The following JCAD variants were observed in gnomAD, a reference collection of about 807,000 sequenced individuals.
JCAD encodes the protein junctional cadherin 5-associated protein.
JCAD carries 40 observed loss-of-function variants against 98.0 expected under a neutral mutation model. The ratio of observed to expected loss-of-function variants is 0.41; its 90% confidence interval spans 0.32 to 0.53. The LOEUF (loss-of-function observed/expected upper bound fraction) is 0.53. Ranked by LOEUF, JCAD falls within the 20% of genes least tolerant of loss-of-function variation. The pLI, the probability that JCAD is intolerant of heterozygous loss-of-function variation, is 0.31. For missense variants in JCAD, 1,705 were observed against 1,738.1 expected, an observed-to-expected ratio of 0.98 and a Z score of 0.34; for synonymous variants, 691 against 682.3, an observed-to-expected ratio of 1.01 and a Z score of -0.20.
rs141859879 is a variant in JCAD, at chr10:30,069,002, T to C, written n.250+698A>G. ...CATGGCCTGAGGTGCCTCTTGTTTATAGGGCAACTGTGAGTAACTTTAATC... is the reference window on the plus strand; with the variant it reads ...CATGGCCTGAGGTGCCTCTTGTTTACAGGGCAACTGTGAGTAACTTTAATC... On this transcript the variant is annotated intron_variant and non_coding_transcript_variant, in intron 2 of 2. Transcript: ENST00000465712. 2.9e-3 allele frequency among the ~76,000 whole-genome samples: 443 copies of C among 152,370 alleles called. 4 individuals carry two copies. The highest frequency in any genetic ancestry group is 0.011 in the Admixed American group (167 of 15,302).
At chr10:30,044,989 G>C (rs1037502579) in intron 2 of JCAD, among the ~76,000 whole-genome samples, 1 of 151,794 alleles carries the variant, frequency 6.6e-6, no homozygotes, top group African/African-American at 2.4e-5. Flanking sequence ...TAAGTGAATC[G>C]GCCAATCTCA....
intron 2 of JCAD, among the ~76,000 whole-genome samples, chr10:30,067,636 T>C (rs1329319393): frequency 2.0e-5 from 3 of 152,312 alleles, no homozygotes; most frequent in East Asian, 3.9e-4. Context: ...CCAAGAACTA[T>C]CTTTGTTTTA....
Position 30,111,651 on chromosome 10 carries a change from C to A in JCAD, n.128+3716G>T, listed in dbSNP as rs369526402. On this transcript the variant is annotated intron_variant and non_coding_transcript_variant, in intron 1 of 2. Transcript: ENST00000465712. ...AAGCTATGTATAAAGAAAAATAAAG[C>A]CAGATAAAGGAAATACAAAGTGAAT... 1.5e-4 allele frequency among the ~76,000 whole-genome samples: 23 copies of A among 152,018 alleles called. 3 individuals carry two copies. In the South Asian group the frequency reaches 4.8e-3, roughly 32 times the overall value.
rs1294325249 is a variant in JCAD, at chr10:30,028,591, G to T, written c.1557C>A (p.Arg519=). The stretch of plus-strand genomic sequence containing the variant: ...CAGGCCACTGTCCCCTTGCCACACA[G>T]CGGTCTCTCTGGTTGGGGAGGCCAC... ...ENSGLPNQRD[R]CVARGQWPDV... Residue 519 remains arginine, a synonymous_variant, in exon 3 of 4, where the codon CGC becomes CGA. Coordinates refer to ENST00000375377, the MANE Select transcript of JCAD (RefSeq NM_020848.4). The T allele has an allele frequency of 5.0e-6, 8 of 1,614,036 alleles. No homozygotes were observed. Among genetic ancestry groups the T allele is most frequent in the Admixed American group, 3.3e-5 (2 of 60,012 alleles).
intron 2 of JCAD, among the ~76,000 whole-genome samples, chr10:30,040,772 C>T (rs1837228607): frequency 6.6e-6 from 1 of 152,226 alleles, no homozygotes; most frequent in Admixed American, 6.5e-5. Context: ...CAGTCCACAA[C>T]CTGTCCTTTG....
rs200743660 is a variant in JCAD, at chr10:30,055,902, CT to C, written c.-60+3579del. Among the ~76,000 whole-genome samples the C allele has an allele frequency of 1.6e-4, 25 of 152,114 alleles. No individual in the cohort carries two copies. In the East Asian group the frequency reaches 1.7e-3, roughly 11 times the overall value. ...CTAAGTATTATCCCTTCTGACTCCT[CT>C]TTTTTTTCTTTCCACAACTAATGTG... On this transcript the variant is annotated intron_variant, in intron 1 of 3. Transcript: ENST00000375377.
intron 1 of JCAD, among the ~76,000 whole-genome samples, chr10:30,077,525 A>C (rs992791099): frequency 1.3e-5 from 2 of 152,196 alleles, no homozygotes; most frequent in African/African-American, 4.8e-5. Flanking sequence ...CATCATGACT[A>C]TTCATTTCCA....
At chr10:30,043,039 T>C (rs1589690527) in intron 2 of JCAD, among the ~76,000 whole-genome samples, 1 of 152,246 alleles carries the variant, frequency 6.6e-6, no homozygotes, top group Admixed American at 6.5e-5. Context: ...AGATAAACTA[T>C]GTATGAAGGA....
upstream of JCAD, among the ~76,000 whole-genome samples, chr10:30,063,638 CATA>C (rs996461960): frequency 3.3e-5 from 5 of 152,114 alleles, no homozygotes; most frequent in African/African-American, 1.2e-4. Flanking sequence ...TTCACTGACA[CATA>C]ATAATTGTAC....
chr10:30,053,550 A>G (rs1837510049), intron 1 of JCAD, among the ~76,000 whole-genome samples: 1 of 133,946 alleles, frequency 7.5e-6, no homozygotes, highest in African/African-American at 2.7e-5. Context: ...CAGAGCGGAT[A>G]CTCTGTCTCA....
chr10:30,082,331 A>G (rs1235012886), intron 1 of JCAD, among the ~76,000 whole-genome samples: 1 of 152,204 alleles, frequency 6.6e-6, no homozygotes, highest in Non-Finnish European at 1.5e-5. Context: ...TGACATGGGA[A>G]AACTATGACA....
chr10:30,034,873 G>A (rs1409344184), intron 2 of JCAD, among the ~76,000 whole-genome samples: 3 of 152,168 alleles, frequency 2.0e-5, no homozygotes, highest in Non-Finnish European at 4.4e-5. Context: ...AAATCATTAG[G>A]AAGTATGCGG....
At chr10:30,105,892 C>G (rs1039774735) in intron 1 of JCAD, among the ~76,000 whole-genome samples, 5 of 152,126 alleles carry the variant, frequency 3.3e-5, no homozygotes, top group African/African-American at 1.2e-4. Flanking sequence ...GTGTAAAGAT[C>G]TAAAATGGTG....
intron 1 of JCAD, among the ~76,000 whole-genome samples, chr10:30,091,991 G>A (rs1838274755): frequency 8.5e-6 from 1 of 117,068 alleles, no homozygotes; most frequent in Admixed American, 1.0e-4. Context: ...TCATGCCATT[G>A]CACTCCAGCC....
chr10:30,047,737 T>C lies in JCAD; in HGVS notation c.76A>G (p.Asn26Asp), dbSNP rs1477563621. The change falls in exon 2 of 4, where the codon AAC becomes GAC. Residue 26 changes from asparagine (N) to aspartate (D), a missense_variant. Transcript: ENST00000375377. ...CTCGCTGCCTGGCGCCCCTTGGGGTTATCCTCGCGTGATGCTGGGGGGTCT... is the reference window on the plus strand; with the variant it reads ...CTCGCTGCCTGGCGCCCCTTGGGGTCATCCTCGCGTGATGCTGGGGGGTCT... Reference protein sequence around the residue: ...SRDPPASREDNPKGRQAARTG... With the variant: ...SRDPPASREDDPKGRQAARTG... The C allele has an allele frequency of 2.5e-6, 4 of 1,614,250 alleles. No homozygotes were observed. The highest frequency in any genetic ancestry group is 3.4e-6 in the Non-Finnish European group (4 of 1,180,034).
chr10:30,076,173 G>T (rs150600878), intron 1 of JCAD, among the ~76,000 whole-genome samples: 1,632 of 152,098 alleles, frequency 0.011, 29 homozygotes, highest in Middle Eastern at 0.054. Context: ...ACAGGTGCCT[G>T]CTACCACACC....
At chr10:30,072,491 A>G (rs1338933054) in intron 1 of JCAD, among the ~76,000 whole-genome samples, 2 of 152,226 alleles carry the variant, frequency 1.3e-5, no homozygotes, top group African/African-American at 4.8e-5. Flanking sequence ...ACATCTGATG[A>G]CAACGGTTAC....
chr10:30,109,262 C>T (rs1332500490), intron 1 of JCAD, among the ~76,000 whole-genome samples: 1 of 152,194 alleles, frequency 6.6e-6, no homozygotes. Flanking sequence ...GTACCAGGGG[C>T]ATCATCACAG....
chr10:30,023,995 T>C (rs1836723790), intron 3 of JCAD, among the ~76,000 whole-genome samples: 1 of 152,060 alleles, frequency 6.6e-6, no homozygotes, highest in East Asian at 1.9e-4. Context: ...CAAGACCTCA[T>C]CTCTACAAAT....
Sources: gnomAD v4.1 joint callset for allele counts (sites outside exome capture counted in the v4.1 genomes callset) on GRCh38, gnomAD v4.1.1 for gene constraint, MANE v1.5 for transcripts, NCBI Gene and HGNC (gene_info 2026-07-23, HGNC 2026-07-21) for gene names.